Variants in HYLS1 observed in about 807,000 individuals in gnomAD.
HYLS1 encodes the protein HYLS1 centriolar and ciliogenesis associated.
In HYLS1, 25 loss-of-function variants were observed where a neutral mutation model predicts 29.4. The observed-to-expected ratio is 0.85, with a 90% confidence interval of 0.62 to 1.19. The LOEUF is 1.19. Among genes scored for constraint, HYLS1 ranks in the 50% most tolerant of loss-of-function variants. HYLS1 has a pLI of 0.00. For missense variants in HYLS1, 352 were observed against 365.1 expected, an observed-to-expected ratio of 0.96 and a Z score of 0.29; for synonymous variants, 128 against 126.7, an observed-to-expected ratio of 1.01 and a Z score of -0.07.
At chr11:125,896,259 T>A (rs1465718978) in intron 2 of HYLS1, 1 of 1,612,062 alleles carries the variant, frequency 6.2e-7, no homozygotes, top group Non-Finnish European at 8.5e-7. Context: ...CTCAGTCTGG[T>A]TTCTGTCTGT....
intron 2 of HYLS1, among the ~76,000 whole-genome samples, chr11:125,898,694 G>T (rs545451236): frequency 1.3e-5 from 2 of 151,946 alleles, no homozygotes; most frequent in South Asian, 4.2e-4. Context: ...AATTATTAAA[G>T]CATAGAAATT....
chr11:125,898,566 A>G (rs1944661387), intron 2 of HYLS1, among the ~76,000 whole-genome samples: 1 of 151,842 alleles, frequency 6.6e-6, no homozygotes, highest in Non-Finnish European at 1.5e-5. Context: ...TAGTCCAGTT[A>G]CTCCGGAGTC....
In HYLS1 at chr11:125,895,599, C is replaced by T. The variant is rs780046582; in HGVS notation, c.-25-3745C>T. ...AAAATAGCGGTAAGTCCGCTCAAGGCAGCTGAACCTAGCACTGAAGCTTGG... is the reference window on the plus strand; with the variant it reads ...AAAATAGCGGTAAGTCCGCTCAAGGTAGCTGAACCTAGCACTGAAGCTTGG... On this transcript the variant is annotated intron_variant, in intron 2 of 2. Coordinates refer to ENST00000425380, the MANE Select transcript of HYLS1 (RefSeq NM_001134793.2). 5.1e-5 allele frequency: 82 copies of T among 1,614,122 alleles called. No homozygotes were observed. Among genetic ancestry groups the T allele is most frequent in the Non-Finnish European group, 6.7e-5 (79 of 1,180,056 alleles).
intron 2 of HYLS1, chr11:125,894,368 A>C (rs1206136650): frequency 8.4e-7 from 1 of 1,191,562 alleles, no homozygotes; most frequent in Non-Finnish European, 1.2e-6. Context: ...TAGTTGCGTT[A>C]AGGGAGCCGG....
chr11:125,895,825 C>T (rs1944566631), intron 2 of HYLS1: 1 of 1,579,274 alleles, frequency 6.3e-7, no homozygotes, highest in South Asian at 1.2e-5. Flanking sequence ...GTTTTAGAGA[C>T]ACAAATAATC....
intron 2 of HYLS1, chr11:125,895,218 A>C (rs1404343069): frequency 1.8e-5 from 28 of 1,546,870 alleles, no homozygotes; most frequent in Non-Finnish European, 2.4e-5. Context: ...TTTATTTTTA[A>C]CTCACCTATA....
Position 125,900,189 on chromosome 11 carries a change from C to T in HYLS1, c.821C>T (p.Ala274Val), listed in dbSNP as rs1207763993. Residue 274 changes from alanine (A) to valine (V), a missense_variant, in exon 3 of 3, where the codon GCA becomes GTA. Coordinates refer to ENST00000425380, the MANE Select transcript of HYLS1 (RefSeq NM_001134793.2). ...YLVPTEKKRS[A>V]LRWGVRCDLA... ...GTACCAACAGAGAAGAAAAGGTCTGCACTCCGTTGGGGTGTTCGTTGTGAC... is the reference window on the plus strand; with the variant it reads ...GTACCAACAGAGAAGAAAAGGTCTGTACTCCGTTGGGGTGTTCGTTGTGAC... The T allele has an allele frequency of 6.2e-7, 1 of 1,614,200 alleles. No homozygotes were observed.
intron 1 of HYLS1, among the ~76,000 whole-genome samples, chr11:125,890,007 T>A (rs1248078573): frequency 6.6e-6 from 1 of 152,206 alleles, no homozygotes; most frequent in Non-Finnish European, 1.5e-5. Flanking sequence ...GGCCAGATCA[T>A]AGCTCAGTGC....
chr11:125,896,839 C>G (rs1944605484), intron 2 of HYLS1, among the ~76,000 whole-genome samples: 1 of 152,052 alleles, frequency 6.6e-6, no homozygotes. Flanking sequence ...GCAATAGAAG[C>G]TAGCCTAACT....
upstream of HYLS1, chr11:125,887,067 C>G (rs535879049): frequency 6.6e-6 from 1 of 152,642 alleles, no homozygotes; most frequent in African/African-American, 2.4e-5. Context: ...GACGCAGCCA[C>G]GGGTCACGCC....
At chr11:125,889,722 A>G (rs1184079821) in intron 1 of HYLS1, among the ~76,000 whole-genome samples, 1 of 151,524 alleles carries the variant, frequency 6.6e-6, no homozygotes, top group African/African-American at 2.4e-5. Context: ...TGGGCGACAG[A>G]GAGAGACTCG....
chr11:125,884,425 T>C (rs191382020), upstream of HYLS1, among the ~76,000 whole-genome samples: 27 of 149,114 alleles, frequency 1.8e-4, no homozygotes, highest in Admixed American at 6.7e-4. Flanking sequence ...CTGGCTAACA[T>C]GGTGAAACCC....
chr11:125,898,785 A>T (rs1246849380), intron 2 of HYLS1, among the ~76,000 whole-genome samples: 1 of 152,022 alleles, frequency 6.6e-6, no homozygotes, highest in African/African-American at 2.4e-5. Flanking sequence ...TTTAGATCAA[A>T]TCACTCTTTT....
intron 2 of HYLS1, chr11:125,893,687 C>A (rs754261603): frequency 7.1e-6 from 6 of 847,074 alleles, no homozygotes; most frequent in Non-Finnish European, 8.5e-6. Flanking sequence ...AAGAGCTGAT[C>A]ATCTGAATTC....
In HYLS1 at chr11:125,900,595, T is replaced by TA. The variant is rs1284022590; in HGVS notation, c.*327_*328insA. 3.0e-6 allele frequency: 1 copy of TA among 337,824 alleles called. No homozygotes were observed. The highest frequency in any genetic ancestry group is 8.2e-5 in the East Asian group (1 of 12,238). The allele number at this position is 337,824 out of a possible 1,614,324, so 20.9% of individuals were successfully genotyped here. A position where few individuals can be genotyped will look rare whatever the true frequency, so the allele number is the denominator to read the frequency against. On this transcript the variant is annotated 3_prime_UTR_variant, in exon 3 of 3. Coordinates refer to ENST00000425380, the MANE Select transcript of HYLS1 (RefSeq NM_001134793.2). The stretch of plus-strand genomic sequence containing the variant: ...TGAGTTGCTGTGCTTCAGTGTGTGT[T>TA]TTTTAAGTTGCTGGGCATTACACTT...
upstream of HYLS1, chr11:125,886,983 G>C (rs1275403406): frequency 4.7e-5 from 7 of 147,610 alleles, no homozygotes; most frequent in Admixed American, 4.8e-4. Context: ...CATTCCAAAA[G>C]AAAACAAGTG....
chr11:125,895,051 CT>C (rs11384524), intron 2 of HYLS1, among the ~76,000 whole-genome samples: 1,592 of 141,676 alleles, frequency 0.011, 5 homozygotes, highest in African/African-American at 0.025. Flanking sequence ...TATGCTATTT[CT>C]TTTTTTTTTT....
chr11:125,896,046 G>A, intron 2 of HYLS1: 1 of 1,614,180 alleles, frequency 6.2e-7, no homozygotes, highest in South Asian at 1.1e-5. Context: ...TTCCTGACTA[G>A]CAAAGCCCTG....
upstream of HYLS1, among the ~76,000 whole-genome samples, chr11:125,885,051 G>A (rs1364190802): frequency 2.6e-5 from 4 of 152,160 alleles, no homozygotes; most frequent in South Asian, 2.1e-4. Flanking sequence ...CCAGGGTTGG[G>A]TAGAACACAA....
Sources: allele counts gnomAD v4.1 joint callset (sites outside exome capture counted in the v4.1 genomes callset), GRCh38; gene constraint gnomAD v4.1.1; transcripts MANE v1.5; gene names NCBI Gene and HGNC (gene_info 2026-07-23, HGNC 2026-07-21).